The following AUTS2 variants were observed in gnomAD, a reference collection of about 807,000 sequenced individuals.
AUTS2 encodes activator of transcription and developmental regulator AUTS2, also known as autism susceptibility gene 2 protein.
A neutral mutation model predicts 112.4 loss-of-function variants in AUTS2; 17 were observed. The observed-to-expected ratio is 0.15, with a 90% CI of 0.10 to 0.23. AUTS2 has a LOEUF of 0.23. AUTS2 is among the 10% of genes least tolerant of loss of function. The pLI is 1.00. For missense variants in AUTS2, 1,510 were observed against 1,701.6 expected, an observed-to-expected ratio of 0.89 and a Z score of 1.98; for synonymous variants, 751 against 702.7, an observed-to-expected ratio of 1.07 and a Z score of -1.09.
At chr7:70,711,773 C>T (rs1405878912) in intron 6 of AUTS2, among the ~76,000 whole-genome samples, 3 of 152,116 alleles carry the variant, frequency 2.0e-5, no homozygotes, top group East Asian at 1.9e-4. Flanking sequence ...AGGGGGAGGG[C>T]GGGAGCCACG....
At chr7:69,969,271 AAAG>A (rs1335142065) in intron 2 of AUTS2, among the ~76,000 whole-genome samples, 12 of 152,306 alleles carry the variant, frequency 7.9e-5, no homozygotes, top group Non-Finnish European at 1.6e-4. Flanking sequence ...ATAAAAAGAA[AAAG>A]AAGGAGAACG....
chr7:70,320,906 T>C (rs776532704), intron 4 of AUTS2, among the ~76,000 whole-genome samples: 2 of 152,078 alleles, frequency 1.3e-5, no homozygotes, highest in Non-Finnish European at 2.9e-5. Context: ...GTCCATCTCA[T>C]CTCTCCCCAG....
At chr7:69,965,095 C>T (rs1011691304) in intron 2 of AUTS2, among the ~76,000 whole-genome samples, 1 of 152,096 alleles carries the variant, frequency 6.6e-6, no homozygotes, top group African/African-American at 2.4e-5. Flanking sequence ...TATTATAGAT[C>T]AGTGAACTTC....
chr7:69,681,687 T>G (rs1481858571), intron 1 of AUTS2, among the ~76,000 whole-genome samples: 1 of 152,254 alleles, frequency 6.6e-6, no homozygotes, highest in Non-Finnish European at 1.5e-5. Context: ...TGCTTCTCTC[T>G]ATTTCTTAAT....
At chr7:70,131,148 C>A (rs938885562) in intron 3 of AUTS2, among the ~76,000 whole-genome samples, 1 of 152,106 alleles carries the variant, frequency 6.6e-6, no homozygotes, top group Non-Finnish European at 1.5e-5. Flanking sequence ...GTCCTCCCTT[C>A]TTATTGGAAA....
chr7:70,677,556 C>G (rs913766820), intron 5 of AUTS2, among the ~76,000 whole-genome samples: 1 of 152,090 alleles, frequency 6.6e-6, no homozygotes, highest in Admixed American at 6.6e-5. Flanking sequence ...TAGCTTTGCC[C>G]CGTGTCTCCT....
At chr7:70,358,264 G>A (rs1034368561) in intron 4 of AUTS2, among the ~76,000 whole-genome samples, 4 of 152,322 alleles carry the variant, frequency 2.6e-5, no homozygotes, top group African/African-American at 4.8e-5. Flanking sequence ...ATTTTAAACA[G>A]TATGCCATTC....
chr7:70,737,314 C>T (rs1177264543), intron 6 of AUTS2, among the ~76,000 whole-genome samples: 1 of 152,208 alleles, frequency 6.6e-6, no homozygotes, highest in Non-Finnish European at 1.5e-5. Context: ...CAAGCACCAC[C>T]GTGTGCCAAA....
chr7:70,700,156 T>C (rs948864075), intron 6 of AUTS2, among the ~76,000 whole-genome samples: 1 of 152,086 alleles, frequency 6.6e-6, no homozygotes, highest in African/African-American at 2.4e-5. Context: ...TTTCCCCCCC[T>C]TTTTTTCCTT....
intron 4 of AUTS2, chr7:70,292,150 T>C (rs1001827565): frequency 2.0e-5 from 3 of 152,340 alleles, no homozygotes; most frequent in South Asian, 4.1e-4. Context: ...ATTCTATTCT[T>C]ATGCCAGGCA....
intron 2 of AUTS2, among the ~76,000 whole-genome samples, chr7:69,936,416 C>G (rs1796412937): frequency 6.6e-6 from 1 of 152,086 alleles, no homozygotes; most frequent in African/African-American, 2.4e-5. Context: ...GTGGCGTGAT[C>G]TCGGCTCATT....
At chr7:70,321,816 A>G (rs369489998) in intron 4 of AUTS2, among the ~76,000 whole-genome samples, 3 of 152,292 alleles carry the variant, frequency 2.0e-5, no homozygotes, top group South Asian at 2.1e-4. Flanking sequence ...TTATTATTAT[A>G]TGTCCCTCCC....
chr7:69,649,475 C>T (rs1171891808), intron 1 of AUTS2, among the ~76,000 whole-genome samples: 1 of 152,116 alleles, frequency 6.6e-6, no homozygotes, highest in Non-Finnish European at 1.5e-5. Flanking sequence ...TCCAGTTGTG[C>T]CTCCTTTGTT....
chr7:70,230,105 T>C (rs1307090200), intron 4 of AUTS2, among the ~76,000 whole-genome samples: 2 of 152,186 alleles, frequency 1.3e-5, no homozygotes, highest in Non-Finnish European at 2.9e-5. Context: ...TTTTTCCTTT[T>C]GGAATGGTAA....
chr7:70,141,136 CA>C lies in AUTS2; in HGVS notation c.660+6566del, dbSNP rs542546895. Among the ~76,000 whole-genome samples, 457 of 152,206 alleles carry C rather than the reference CA, an allele frequency of 3.0e-3. 2 individuals are homozygous for C. Among genetic ancestry groups the C allele is most frequent in the Non-Finnish European group, 5.4e-3 (364 of 68,006 alleles). On this transcript the variant is annotated intron_variant, in intron 4 of 18. Transcript: ENST00000342771. ...AAGAAAGGGTGGAACAAGTTTGAGG[CA>C]GGGGGAGCAACAAAGACAAGAATAC... is the stretch of plus-strand genomic sequence containing the variant.
intron 2 of AUTS2, among the ~76,000 whole-genome samples, chr7:69,973,439 T>A (rs1213034438): frequency 6.6e-6 from 1 of 152,216 alleles, no homozygotes; most frequent in East Asian, 1.9e-4. Context: ...CTTGGCTAAT[T>A]GCACTGAGTA....
At chr7:70,607,167 G>A (rs916848221) in intron 5 of AUTS2, among the ~76,000 whole-genome samples, 2 of 152,166 alleles carry the variant, frequency 1.3e-5, no homozygotes, top group Non-Finnish European at 2.9e-5. Flanking sequence ...TCTGCTGGGG[G>A]GCGAAGGTGG....
chr7:69,884,093 G>A (rs984786861), intron 1 of AUTS2, among the ~76,000 whole-genome samples: 1 of 152,204 alleles, frequency 6.6e-6, no homozygotes, highest in African/African-American at 2.4e-5. Context: ...GAGCATGGAA[G>A]GAAATTGTTT....
intron 10 of AUTS2, among the ~76,000 whole-genome samples, chr7:70,768,644 T>G (rs1790094516): frequency 6.6e-6 from 1 of 152,186 alleles, no homozygotes; most frequent in Non-Finnish European, 1.5e-5. Context: ...TATTTTCTCT[T>G]TAAACTCATT....
Sources: gnomAD v4.1 joint callset for allele counts (sites outside exome capture counted in the v4.1 genomes callset) on GRCh38, gnomAD v4.1.1 for gene constraint, MANE v1.5 for transcripts, NCBI Gene and HGNC (gene_info 2026-07-23, HGNC 2026-07-21) for gene names.